The following XPO5 variants were observed in gnomAD, a reference collection of about 807,000 sequenced individuals.
XPO5 encodes exportin-5.
A neutral mutation model predicts 160.6 loss-of-function variants in XPO5; 46 were observed. The ratio of observed to expected loss-of-function variants is 0.29; its 90% CI spans 0.23 to 0.37. XPO5 has a LOEUF of 0.37. Among genes scored for constraint, XPO5 ranks in the 10% least tolerant of loss-of-function variants. XPO5 has a pLI of 1.00. For synonymous variants in XPO5, 537 were observed against 519.3 expected, an observed-to-expected ratio of 1.03 and a Z score of -0.46; for missense variants, 1,090 against 1,463.9, an observed-to-expected ratio of 0.74 and a Z score of 4.17.
intron 12 of XPO5, among the ~76,000 whole-genome samples, chr6:43,558,050 G>A (rs1227654417): frequency 6.6e-5 from 10 of 151,244 alleles, no homozygotes; most frequent in African/African-American, 1.5e-4. Context: ...AGCCGAGATC[G>A]CGCCATTGCA....
chr6:43,545,665 C>T (rs902350577), intron 20 of XPO5, among the ~76,000 whole-genome samples: 10 of 152,046 alleles, frequency 6.6e-5, no homozygotes, highest in South Asian at 2.1e-4. Context: ...CAAGATTGCA[C>T]CACTGCACTC....
chr6:43,557,783 TAAAAAA>T (rs59661301), intron 12 of XPO5, among the ~76,000 whole-genome samples: 2 of 87,228 alleles, frequency 2.3e-5, no homozygotes, highest in African/African-American at 4.2e-5. Context: ...AATAAAGCTG[TAAAAAA>T]AAAAAAAAAA....
Position 43,548,311 on chromosome 6 carries a change from C to T in XPO5, c.2010G>A (p.Glu670=). The T allele has an allele frequency of 6.2e-7, 1 of 1,613,408 alleles. No individual in the cohort carries two copies. The highest frequency in any genetic ancestry group is 8.5e-7 in the Non-Finnish European group (1 of 1,179,566). ...TGCTGGCCACTGGTGCCATCAGCTC[C>T]TCTAGGAACACCTTCTGACGCTCGT... The part of the protein sequence containing the change: ...KNYERQKVFL[E]ELMAPVASIW... The change falls in exon 18 of 32, where the codon GAG becomes GAA. Residue 670 remains glutamate (E), a synonymous_variant. Coordinates refer to ENST00000265351, the MANE Select transcript of XPO5 (RefSeq NM_020750.3).
In XPO5 at chr6:43,560,181, G is replaced by C. The variant is rs767993637; in HGVS notation, c.1218C>G (p.Val406=). ...TGTTTAGATTCCCATTATATACCTT[G>C]ACCAAGTTAGTCATGGAAGCACGAA... ...KYLRASMTNL[V]KMGFPSKTDS... is the part of the protein sequence containing the mutation. The change falls in exon 11 of 32, where the codon GTC becomes GTG. Residue 406 remains valine, a synonymous_variant. Transcript: ENST00000265351. 40 of 1,612,320 alleles carry C rather than the reference G, an allele frequency of 2.5e-5. 1 individual carries two copies. In the East Asian group the frequency reaches 8.9e-4, roughly 36 times the overall value.
intron 20 of XPO5, among the ~76,000 whole-genome samples, chr6:43,537,123 C>G (rs891261753): frequency 6.7e-6 from 1 of 149,798 alleles, no homozygotes; most frequent in African/African-American, 2.5e-5. Context: ...TGCACCACCA[C>G]ACGTGAATAA....
intron 6 of XPO5, among the ~76,000 whole-genome samples, chr6:43,568,133 C>A (rs1219605096): frequency 4.0e-5 from 6 of 151,306 alleles, no homozygotes; most frequent in African/African-American, 9.7e-5. Flanking sequence ...ATGGTGAAAC[C>A]CCGTCTCTAC....
rs1269398794 is a variant in XPO5, at chr6:43,549,421, A to C, written c.1860+68T>G. The stretch of plus-strand genomic sequence containing the variant: ...CTAGTTTTTTCTTTATGTGAGGTAC[A>C]CTGAAAGCTGGATTTACACACAAAT... On this transcript the variant is annotated intron_variant, in intron 17 of 31. Transcript: ENST00000265351. 2.0e-6 allele frequency: 3 copies of C among 1,467,278 alleles called. No individual in the cohort carries two copies. In the African/African-American group the frequency reaches 4.3e-5, roughly 21 times the overall value. The allele number at this position is 1,467,278 out of a possible 1,614,324, so 90.9% of individuals were successfully genotyped here.
At chr6:43,551,803 C>T (rs1271324933) in intron 14 of XPO5, among the ~76,000 whole-genome samples, 1 of 151,796 alleles carries the variant, frequency 6.6e-6, no homozygotes, top group Admixed American at 6.6e-5. Flanking sequence ...GTAGGTGGGA[C>T]TACTGGCACG....
intron 18 of XPO5, 35 bp from the exon 19 acceptor site, chr6:43,547,742 T>C (rs757738706): frequency 5.7e-6 from 9 of 1,591,696 alleles, no homozygotes; most frequent in East Asian, 4.5e-5. Context: ...AGTTACATCA[T>C]GACTTTAAAC....
At chr6:43,547,578 T>A in intron 19 of XPO5, 30 bp downstream of exon 19, 1 of 1,607,334 alleles carries the variant, frequency 6.2e-7, no homozygotes, top group Non-Finnish European at 8.5e-7. Context: ...CCATGGCCAA[T>A]GCCACTTCCC....
At chr6:43,551,496 C>T (rs1582226237) in intron 14 of XPO5, 43 bp from the exon 15 acceptor site, 1 of 1,600,586 alleles carries the variant, frequency 6.2e-7, no homozygotes, top group Non-Finnish European at 8.5e-7. Flanking sequence ...GCTGCCTCCA[C>T]TTAGAAATAA....
chr6:43,528,165 A>T lies in XPO5; in HGVS notation c.2816T>A (p.Leu939Gln). ...QKWQVINQRSLLCGEDEAADE... is the reference protein window; with the variant it reads ...QKWQVINQRSQLCGEDEAADE... ...GTGGGTAGGTATCCCTTACCACAGC[A>T]GGCTCCTTTGGTTGATAACTTGCCA... Residue 939 changes from leucine (L) to glutamine (Q), a missense_variant, in exon 25 of 32, where the codon CTG becomes CAG. By Grantham distance (113) the Leu-to-Gln change is moderately radical (BLOSUM62 -2). Around this residue, in one of 3 missense-constraint regions of XPO5, gnomAD observed 810 missense variants for 1,139.0 expected, o/e 0.71. Transcript: ENST00000265351. 6.3e-7 allele frequency: 1 copy of T among 1,593,546 alleles called. No individual in the cohort carries two copies. Among genetic ancestry groups the T allele is most frequent in the Non-Finnish European group, 8.5e-7 (1 of 1,169,598 alleles).
intron 25 of XPO5, 70 bp downstream of exon 25, chr6:43,528,089 C>G: frequency 6.8e-7 from 1 of 1,469,802 alleles, no homozygotes; most frequent in South Asian, 1.2e-5. Flanking sequence ...AATCCCTGCC[C>G]GCTTCCTTTT....
At position 43,567,368 on chromosome 6, in the gene XPO5, A is replaced by C. The variant is rs757522821; in HGVS notation, c.649-14T>G. The C allele has an allele frequency of 3.1e-6, 5 of 1,594,212 alleles. No homozygotes were observed. In the South Asian group the frequency reaches 5.7e-5, roughly 18 times the overall value. Reference sequence around the variant, plus strand: ...GTTTGCTTGCGCCTACCAGAAAAGAAGTAACTTTGGACCATGAAGTCCTCG... The same window carrying C: ...GTTTGCTTGCGCCTACCAGAAAAGACGTAACTTTGGACCATGAAGTCCTCG... On this transcript the variant is annotated splice_polypyrimidine_tract_variant and intron_variant, in intron 6 of 31. Transcript: ENST00000265351.
chr6:43,564,845 C>T (rs548033088), intron 8 of XPO5, among the ~76,000 whole-genome samples: 11 of 152,108 alleles, frequency 7.2e-5, no homozygotes, highest in Admixed American at 5.9e-4. Context: ...CTCAATCAAT[C>T]CTCCCGCCTT....
rs1793243755 is a variant in XPO5 at position 43,522,417 on chromosome 6, G to T, written c.*1451C>A. 1 of 160,192 alleles carries T rather than the reference G, an allele frequency of 6.2e-6. No homozygotes were observed. Among genetic ancestry groups the T allele is most frequent in the South Asian group, 1.5e-4 (1 of 6,464 alleles). 9.9% of individuals were successfully genotyped at this position (160,192 alleles called of 1,614,324 possible). A position where few individuals can be genotyped will look rare whatever the true frequency, so the allele number is the denominator to read the frequency against. ...CTACAAAAAGTTTCTATAAACAATA[G>T]AAAATTTCTAGCATGAAGTCACAGG... On this transcript the variant is annotated 3_prime_UTR_variant, in exon 32 of 32. Transcript: ENST00000265351.
At chr6:43,544,415 C>T (rs747795846) in intron 20 of XPO5, 2 of 152,084 alleles carry the variant, frequency 1.3e-5, no homozygotes, top group South Asian at 4.1e-4. Flanking sequence ...AGAGATTATA[C>T]TTTTTTAAAA....
chr6:43,535,216 C>G (rs1000468892), intron 20 of XPO5, among the ~76,000 whole-genome samples: 2 of 143,402 alleles, frequency 1.4e-5, no homozygotes, highest in African/African-American at 5.2e-5. Flanking sequence ...GCCAAGACTG[C>G]GCCACTGCAC....
At chr6:43,528,342 ACAC>A (rs1277903757) in intron 24 of XPO5, 137 bp from the exon 25 acceptor site, 4 of 796,446 alleles carry the variant, frequency 5.0e-6, no homozygotes, top group Non-Finnish European at 8.2e-6. Flanking sequence ...TGTAGACTCC[ACAC>A]CACAAGGTTA....
Sources: allele counts gnomAD v4.1 joint callset (sites outside exome capture counted in the v4.1 genomes callset), GRCh38; gene constraint gnomAD v4.1.1; regional missense constraint gnomAD v4.1.1; transcripts MANE v1.5; gene names NCBI Gene and HGNC (gene_info 2026-07-23, HGNC 2026-07-21).